LRP5: variants seen among roughly 807,000 people sequenced by gnomAD.
LRP5 encodes low-density lipoprotein receptor-related protein 5.
Under a neutral mutation model 154.1 loss-of-function variants are expected in LRP5, and 62 were observed. The observed-to-expected ratio is 0.40, with a 90% CI of 0.33 to 0.50. The LOEUF (loss-of-function observed/expected upper bound fraction) is 0.50, where lower values mean the gene tolerates loss of function less well. Ranked by LOEUF, LRP5 falls within the 20% of genes least tolerant of loss-of-function variation. The pLI is 0.55. For synonymous variants in LRP5, 966 were observed against 1,011.5 expected (o/e 0.96, Z 0.85); for missense variants, 1,915 against 2,336.7 (o/e 0.82, Z 3.72).
chr11:68,425,895 G>A lies in LRP5; in HGVS notation c.3428-83G>A, dbSNP rs955452822. ...ATCCCCCAGGCTCCCTGGCAGTCCTGTCAACCTCTGTCCTCCCAAGCTGAG... is the reference window on the plus strand; with the variant it reads ...ATCCCCCAGGCTCCCTGGCAGTCCTATCAACCTCTGTCCTCCCAAGCTGAG... On this transcript the variant is annotated intron_variant, in intron 15 of 22. Coordinates refer to ENST00000294304, the MANE Select transcript of LRP5 (RefSeq NM_002335.4). The A allele has an allele frequency of 3.2e-6, 4 of 1,257,744 alleles. No individual in the cohort carries two copies. In the African/African-American group the frequency reaches 5.9e-5, roughly 18 times the overall value. The allele number at this position is 1,257,744 out of a possible 1,614,324, so 77.9% of individuals were successfully genotyped here.
At chr11:68,436,528 G>A (rs1430250226) in intron 18 of LRP5, among the ~76,000 whole-genome samples, 1 of 151,472 alleles carries the variant, frequency 6.6e-6, no homozygotes, top group Admixed American at 6.6e-5. Flanking sequence ...GAGGCTCCTC[G>A]TGGCCATTCC....
chr11:68,380,612 G>T (rs1200873436), intron 5 of LRP5, among the ~76,000 whole-genome samples: 1 of 152,212 alleles, frequency 6.6e-6, no homozygotes, highest in Admixed American at 6.5e-5. Flanking sequence ...CACGCACGGC[G>T]GGCTGTTTGC....
At chr11:68,341,056 G>GTTTTTTTTTTTTTTTTTTTTTTTTTTT (rs1466472469) in intron 1 of LRP5, among the ~76,000 whole-genome samples, 1 of 51,460 alleles carries the variant, frequency 1.9e-5, no homozygotes, top group African/African-American at 1.1e-4. Flanking sequence ...GCTGGAGATT[G>GTTTTTTTTTTTTTTTTTTTTTTTTTTT]TTCTTTTTTT....
rs2098642933 is a variant in LRP5, at chr11:68,386,263, T to G, written c.1016-53T>G. On this transcript the variant is annotated intron_variant, in intron 5 of 22. Coordinates refer to ENST00000294304, the MANE Select transcript of LRP5 (RefSeq NM_002335.4). The surrounding 1 kb of genome is among the most constrained non-coding windows in gnomAD (Gnocchi z 7.9). ...TGCCCGGCCCACCCCAGGCCTAGAC[T>G]TGTGCCTGCTGCAGGCCCTTGACCC... 3 of 1,602,964 alleles carry G rather than the reference T, an allele frequency of 1.9e-6. No homozygotes were observed. Among genetic ancestry groups the G allele is most frequent in the Non-Finnish European group, 2.5e-6 (3 of 1,178,784 alleles).
chr11:68,304,759 A>G, the LRP5 span, among the ~76,000 whole-genome samples: 1 of 152,254 alleles, frequency 6.6e-6, no homozygotes, highest in African/African-American at 2.4e-5. Context: ...GAGCTTTAAG[A>G]TTGAATGATT....
intron 2 of LRP5, among the ~76,000 whole-genome samples, chr11:68,352,410 G>A (rs191051875): frequency 6.6e-6 from 1 of 152,350 alleles, no homozygotes. Context: ...AATGTTAGCT[G>A]TCGTTATAAT....
At chr11:68,339,848 A>G (rs1148874) in intron 1 of LRP5, among the ~76,000 whole-genome samples, 2 of 152,108 alleles carry the variant, frequency 1.3e-5, no homozygotes, top group South Asian at 4.1e-4. Context: ...TCTTTTGGGT[A>G]TATATGTAGG....
At chr11:68,378,191 C>T (rs1448084418) in intron 5 of LRP5, among the ~76,000 whole-genome samples, 5 of 152,182 alleles carry the variant, frequency 3.3e-5, no homozygotes, top group Non-Finnish European at 7.3e-5. Context: ...ACCTGTTTTC[C>T]CACATTGGGG....
At position 68,412,412 on chromosome 11, in the gene LRP5, G is replaced by A. The variant is rs1029591574; in HGVS notation, c.2503+792G>A. On this transcript the variant is annotated intron_variant, in intron 11 of 22. Coordinates refer to ENST00000294304, the MANE Select transcript of LRP5 (RefSeq NM_002335.4). ...TCCCAGCACTTTGTGAGGCCAAGGC[G>A]GGCAGATGATTTGAGCCCAGGAGTT... Among the ~76,000 whole-genome samples, 9 of 152,100 alleles carry A rather than the reference G, an allele frequency of 5.9e-5. No homozygotes were observed. In the East Asian group the frequency reaches 7.7e-4, roughly 13 times the overall value.
intron 1 of LRP5, among the ~76,000 whole-genome samples, chr11:68,322,130 C>T (rs1360431186): frequency 1.3e-5 from 2 of 152,226 alleles, no homozygotes; most frequent in Middle Eastern, 3.2e-3. Flanking sequence ...TGGATCCGGG[C>T]GTGGCCGTGC....
chr11:68,316,415 G>A (rs2098593436), intron 1 of LRP5, among the ~76,000 whole-genome samples: 2 of 152,074 alleles, frequency 1.3e-5, no homozygotes. Context: ...TGCATTACAG[G>A]TGCCCGCCAC....
At chr11:68,388,172 G>A (rs114853148) in intron 6 of LRP5, among the ~76,000 whole-genome samples, 1,904 of 152,188 alleles carry the variant, frequency 0.013, 47 homozygotes, top group African/African-American at 0.043. Flanking sequence ...GCTGGGTTGT[G>A]CCCCGAGGAG....
intron 1 of LRP5, among the ~76,000 whole-genome samples, chr11:68,337,925 C>A (rs925231428): frequency 6.6e-6 from 1 of 152,244 alleles, no homozygotes; most frequent in Non-Finnish European, 1.5e-5. Context: ...AGGAAGCCTG[C>A]CTGGGCCACC....
chr11:68,359,632 T>C (rs532575119), intron 3 of LRP5, among the ~76,000 whole-genome samples: 1 of 152,320 alleles, frequency 6.6e-6, no homozygotes, highest in South Asian at 2.1e-4. Flanking sequence ...GTTCATTTAA[T>C]GCTCATACCA....
Position 68,423,588 on chromosome 11 carries a change from G to A in LRP5, c.3127G>A (p.Glu1043Lys). ...IYSRTLFWTC[E>K]ATNTINVHRL... ...CAGCCGGACACTGTTCTGGACGTGCGAGGCCACCAATACCATCAACGTCCA... is the reference window on the plus strand; with the variant it reads ...CAGCCGGACACTGTTCTGGACGTGCAAGGCCACCAATACCATCAACGTCCA... Residue 1043 changes from glutamate (E) to lysine (K), a missense_variant, in exon 14 of 23, where the codon GAG (glutamate) becomes AAG (lysine). Coordinates refer to ENST00000294304, the MANE Select transcript of LRP5 (RefSeq NM_002335.4). This position sits in a 1 kb window ranked among gnomAD's most constrained non-coding sequence, Gnocchi z 4.7. The A allele has an allele frequency of 3.1e-6, 5 of 1,614,232 alleles. No homozygotes were observed. The highest frequency in any genetic ancestry group is 4.2e-6 in the Non-Finnish European group (5 of 1,180,038).
chr11:68,434,100 G>C (rs1332070974), intron 18 of LRP5, among the ~76,000 whole-genome samples: 1 of 152,176 alleles, frequency 6.6e-6, no homozygotes, highest in African/African-American at 2.4e-5. Context: ...ACAGAAACCT[G>C]AGGCACATTC....
intron 1 of LRP5, among the ~76,000 whole-genome samples, chr11:68,340,607 C>G (rs565869619): frequency 1.3e-5 from 2 of 152,230 alleles, no homozygotes; most frequent in East Asian, 3.9e-4. Flanking sequence ...TGTCATGGGC[C>G]AGGTCTCAGC....
intron 1 of LRP5, among the ~76,000 whole-genome samples, chr11:68,340,864 T>C (rs312778): frequency 0.44 from 67,520 of 151,974 alleles, 16,676 homozygotes; most frequent in African/African-American, 0.64. Flanking sequence ...TTTCAATCTT[T>C]GTCTCCGCTG....
At chr11:68,319,619 T>C (rs2098595567) in intron 1 of LRP5, among the ~76,000 whole-genome samples, 2 of 152,174 alleles carry the variant, frequency 1.3e-5, no homozygotes, top group South Asian at 4.1e-4. Context: ...GCCTCCTGAG[T>C]AGCTGGGACT....
Sources: allele counts gnomAD v4.1 joint callset (sites outside exome capture counted in the v4.1 genomes callset), GRCh38; gene constraint gnomAD v4.1.1; non-coding constraint Gnocchi (gnomAD v3.1); transcripts MANE v1.5; gene names NCBI Gene and HGNC (gene_info 2026-07-23, HGNC 2026-07-21).